MAML2: variants seen among roughly 807,000 people sequenced by gnomAD.
MAML2 encodes mastermind-like protein 2.
In MAML2, 22 loss-of-function variants were observed where a neutral mutation model predicts 96.1. That is an observed-to-expected ratio of 0.23 (90% confidence interval 0.16 to 0.33). The LOEUF is 0.33. MAML2 is among the 10% of genes least tolerant of loss of function. The probability of loss-of-function intolerance (pLI) is 1.00; values close to 1 mark genes in which losing one functional copy is unlikely to be tolerated. For missense variants in MAML2, 1,367 were observed against 1,392.4 expected (o/e 0.98, Z 0.29); for synonymous variants, 561 against 521.3 (o/e 1.08, Z -1.04).
chr11:96,250,526 T>C (rs1380465924), intron 1 of MAML2, among the ~76,000 whole-genome samples: 1 of 152,256 alleles, frequency 6.6e-6, no homozygotes, highest in Admixed American at 6.5e-5. Context: ...TTTTGTATCA[T>C]TTAATAAATA....
chr11:96,287,198 G>A (rs1863152691), intron 1 of MAML2, among the ~76,000 whole-genome samples: 1 of 152,208 alleles, frequency 6.6e-6, no homozygotes, highest in Admixed American at 6.5e-5. Flanking sequence ...TACATCATGG[G>A]AGAAAGTGAA....
At chr11:96,322,507 A>G (rs997916760) in intron 1 of MAML2, among the ~76,000 whole-genome samples, 1 of 152,118 alleles carries the variant, frequency 6.6e-6, no homozygotes, top group East Asian at 1.9e-4. Context: ...CCTGGCTAAC[A>G]CGGTGAAACC....
chr11:96,126,547 G>T (rs2135851506), intron 1 of MAML2, among the ~76,000 whole-genome samples: 1 of 152,292 alleles, frequency 6.6e-6, no homozygotes, highest in East Asian at 1.9e-4. Context: ...GGGCAACAGA[G>T]CGAGACTCCA....
chr11:96,159,113 A>ACAGCAG (rs1425808152), intron 1 of MAML2, among the ~76,000 whole-genome samples: 64 of 152,336 alleles, frequency 4.2e-4, no homozygotes, highest in Non-Finnish European at 8.8e-4. Context: ...TTGTCATAGA[A>ACAGCAG]ACTTGAGTGG....
chr11:96,005,335 T>C (rs915775721), intron 2 of MAML2, among the ~76,000 whole-genome samples: 1 of 152,228 alleles, frequency 6.6e-6, no homozygotes, highest in Non-Finnish European at 1.5e-5. Context: ...ATCTTTTAAA[T>C]TTTCAGTCTT....
intron 1 of MAML2, among the ~76,000 whole-genome samples, chr11:96,121,944 G>A (rs1489974851): frequency 1.8e-5 from 2 of 113,806 alleles, no homozygotes; most frequent in African/African-American, 3.5e-5. Context: ...CCGCCACCAC[G>A]CCCGGCTTTT....
At chr11:96,174,203 A>G (rs1280374159) in intron 1 of MAML2, among the ~76,000 whole-genome samples, 1 of 152,128 alleles carries the variant, frequency 6.6e-6, no homozygotes, top group Non-Finnish European at 1.5e-5. Context: ...TCATGAGGTC[A>G]CATAAGATCT....
At chr11:96,129,549 C>A (rs1860510276) in intron 1 of MAML2, among the ~76,000 whole-genome samples, 1 of 151,878 alleles carries the variant, frequency 6.6e-6, no homozygotes, top group Admixed American at 6.5e-5. Context: ...TCCACACAAA[C>A]TAAATCCAAA....
intron 1 of MAML2, among the ~76,000 whole-genome samples, chr11:96,295,808 T>C (rs1482778435): frequency 6.6e-6 from 1 of 151,874 alleles, no homozygotes; most frequent in Non-Finnish European, 1.5e-5. Context: ...TCCATATTCA[T>C]ATTAAAGTAA....
intron 1 of MAML2, among the ~76,000 whole-genome samples, chr11:96,272,476 T>A (rs1862930188): frequency 6.6e-6 from 1 of 152,156 alleles, no homozygotes. Context: ...CCTAAAAAGT[T>A]TTTAGAAAAC....
intron 2 of MAML2, among the ~76,000 whole-genome samples, chr11:95,996,068 A>AAATC (rs58055593): frequency 0.31 from 47,114 of 151,130 alleles, 7,706 homozygotes; most frequent in South Asian, 0.46. Context: ...GTTGAAGGAA[A>AAATC]AATCAATCAA....
In MAML2 at chr11:96,115,900, T is replaced by G. The variant is rs368252236; in HGVS notation, c.514-22383A>C. On this transcript the variant is annotated intron_variant, in intron 1 of 4. Transcript: ENST00000524717. ...GTTCGGATCCCATCTTAGTGTCTAT[T>G]CAGGCAATGTTTTCATAGGTCCCCA... is the stretch of plus-strand genomic sequence containing the variant. Among the ~76,000 whole-genome samples the G allele has an allele frequency of 1.7e-3, 252 of 152,298 alleles. 1 individual carries two copies. Among genetic ancestry groups the G allele is most frequent in the African/African-American group, 5.5e-3 (228 of 41,556 alleles).
intron 1 of MAML2, among the ~76,000 whole-genome samples, chr11:96,260,477 G>A (rs1318129391): frequency 1.3e-5 from 2 of 152,078 alleles, no homozygotes; most frequent in South Asian, 2.1e-4. Flanking sequence ...GCATAGTTCC[G>A]GCCAATAAGA....
chr11:95,999,403 A>C (rs1048291192), intron 2 of MAML2, among the ~76,000 whole-genome samples: 3 of 152,082 alleles, frequency 2.0e-5, no homozygotes, highest in Non-Finnish European at 4.4e-5. Context: ...ATTTCAGCAA[A>C]AGGTAGAATG....
At chr11:96,328,564 G>A (rs972965358) in intron 1 of MAML2, among the ~76,000 whole-genome samples, 7 of 152,122 alleles carry the variant, frequency 4.6e-5, no homozygotes, top group African/African-American at 1.7e-4. Context: ...AAGATCGTAC[G>A]AGTCATAAAG....
intron 1 of MAML2, among the ~76,000 whole-genome samples, chr11:96,100,866 C>T (rs2135821361): frequency 6.6e-6 from 1 of 151,966 alleles, no homozygotes; most frequent in East Asian, 1.9e-4. Context: ...TCCCCTCAGC[C>T]ACTGGAGTAG....
At chr11:96,046,492 G>A (rs1858903431) in intron 2 of MAML2, among the ~76,000 whole-genome samples, 1 of 152,080 alleles carries the variant, frequency 6.6e-6, no homozygotes, top group Non-Finnish European at 1.5e-5. Flanking sequence ...TGTAAGATAC[G>A]AGTTACCTTC....
At chr11:96,252,425 C>CT (rs35604635) in intron 1 of MAML2, among the ~76,000 whole-genome samples, 16,614 of 122,494 alleles carry the variant, frequency 0.14, 1,538 homozygotes, top group African/African-American at 0.17. Context: ...TTGACTAACT[C>CT]TTTTTTTTTT....
intron 1 of MAML2, among the ~76,000 whole-genome samples, chr11:96,096,876 G>A (rs1278785834): frequency 2.6e-5 from 4 of 152,148 alleles, no homozygotes; most frequent in African/African-American, 9.7e-5. Flanking sequence ...TAAGATGGGG[G>A]ACAGAAGAAG....
Sources: gnomAD v4.1 joint callset for allele counts (sites outside exome capture counted in the v4.1 genomes callset) on GRCh38, gnomAD v4.1.1 for gene constraint, MANE v1.5 for transcripts, NCBI Gene and HGNC (gene_info 2026-07-23, HGNC 2026-07-21) for gene names.